GRIN2A: variants seen among roughly 807,000 people sequenced by gnomAD.
The protein encoded by GRIN2A is glutamate ionotropic receptor NMDA type subunit 2A.
Under a neutral mutation model 113.4 loss-of-function variants are expected in GRIN2A, and 22 were observed. The ratio of observed to expected loss-of-function variants is 0.19; its 90% CI spans 0.14 to 0.28. The LOEUF (loss-of-function observed/expected upper bound fraction) is 0.28. GRIN2A is among the 10% of genes least tolerant of loss of function. The probability of loss-of-function intolerance (pLI) is 1.00; values close to 1 mark genes in which losing one functional copy is unlikely to be tolerated. For missense variants in GRIN2A, 1,502 were observed against 1,887.0 expected (o/e 0.80, Z 3.78); for synonymous variants, 827 against 738.4 (o/e 1.12, Z -1.94).
intron 2 of GRIN2A, among the ~76,000 whole-genome samples, chr16:10,092,079 G>C (rs2048193805): frequency 6.6e-6 from 1 of 152,214 alleles, no homozygotes; most frequent in African/African-American, 2.4e-5. Flanking sequence ...CAATAGTTTA[G>C]TCATCTGCAT....
intron 2 of GRIN2A, among the ~76,000 whole-genome samples, chr16:10,161,919 A>T (rs1166163130): frequency 6.6e-6 from 1 of 152,156 alleles, no homozygotes; most frequent in Non-Finnish European, 1.5e-5. Context: ...ATAAGGAATG[A>T]TTATAAATTG....
chr16:10,009,955 T>C (rs1165869608), intron 2 of GRIN2A, among the ~76,000 whole-genome samples: 1 of 152,052 alleles, frequency 6.6e-6, no homozygotes, highest in East Asian at 1.9e-4. Flanking sequence ...GGAACTGAGG[T>C]TCCTAAAGAT....
At chr16:9,843,744 G>T (rs558377355) in intron 5 of GRIN2A, among the ~76,000 whole-genome samples, 29 of 152,226 alleles carry the variant, frequency 1.9e-4, no homozygotes, top group Non-Finnish European at 7.4e-5. Context: ...TAGTGGGGGG[G>T]TAGTAGGAGG....
intron 8 of GRIN2A, among the ~76,000 whole-genome samples, chr16:9,832,435 C>A (rs940538395): frequency 8.5e-5 from 13 of 152,220 alleles, no homozygotes; most frequent in African/African-American, 3.1e-4. Context: ...GTCTGCACCC[C>A]ATCACTATCA....
intron 11 of GRIN2A, among the ~76,000 whole-genome samples, chr16:9,777,589 T>C (rs1169127127): frequency 6.6e-6 from 1 of 152,236 alleles, no homozygotes; most frequent in Non-Finnish European, 1.5e-5. Flanking sequence ...GGACAGGCTG[T>C]CTTTGGCATA....
chr16:9,881,203 C>T (rs988077996), intron 4 of GRIN2A, among the ~76,000 whole-genome samples: 15 of 152,206 alleles, frequency 9.9e-5, no homozygotes, highest in Non-Finnish European at 1.8e-4. Context: ...TTTTATTTGC[C>T]TTGTTATTCT....
chr16:10,126,423 T>TC (rs2048937752), intron 2 of GRIN2A, among the ~76,000 whole-genome samples: 1 of 152,114 alleles, frequency 6.6e-6, no homozygotes, highest in Non-Finnish European at 1.5e-5. Context: ...TGCCACTGCC[T>TC]CCCAAAGCAC....
chr16:10,049,145 G>A (rs1389096273), intron 2 of GRIN2A, among the ~76,000 whole-genome samples: 2 of 152,066 alleles, frequency 1.3e-5, no homozygotes, highest in Non-Finnish European at 2.9e-5. Flanking sequence ...CTTGGCAAAA[G>A]CCCAGTGAAT....
Position 9,861,787 on chromosome 16 carries a change from G to A in GRIN2A, c.1123-11826C>T, listed in dbSNP as rs572436952. ...CAGAAATTACTAAAGAGCAGGTGTGGGTCAAACCTGCTCTGTCTTCACTGC... is the reference window on the plus strand; with the variant it reads ...CAGAAATTACTAAAGAGCAGGTGTGAGTCAAACCTGCTCTGTCTTCACTGC... On this transcript the variant is annotated intron_variant, in intron 4 of 12. Transcript: ENST00000330684. Among the ~76,000 whole-genome samples, 4 of 152,290 alleles carry A rather than the reference G, an allele frequency of 2.6e-5. No homozygotes were observed. In the South Asian group the frequency reaches 8.3e-4, roughly 32 times the overall value.
intron 4 of GRIN2A, among the ~76,000 whole-genome samples, chr16:9,888,380 A>G (rs1340073080): frequency 6.6e-6 from 1 of 152,112 alleles, no homozygotes; most frequent in East Asian, 1.9e-4. Context: ...ATATTCTCCT[A>G]CATTTTCTTC....
chr16:9,798,360 G>C lies in GRIN2A; in HGVS notation c.2273C>G (p.Thr758Ser). 6.2e-7 allele frequency: 1 copy of C among 1,614,016 alleles called. No individual in the cohort carries two copies. The highest frequency in any genetic ancestry group is 1.1e-5 in the South Asian group (1 of 91,084). The change falls in exon 11 of 13, where the codon ACC becomes AGC. Residue 758 changes from threonine to serine, a missense_variant. Around this residue, in one of 7 missense-constraint regions of GRIN2A, gnomAD observed 101 missense variants for 240.4 expected, o/e 0.42. Transcript: ENST00000330684. ...VTIGSGYIFA[T>S]TGYGIALQKG... ...CTGAAGGGCAATTCCATAACCGGTG[G>C]TGGCAAAGATGTACCCACTCCCGAT...
At chr16:9,843,983 G>A (rs932285797) in intron 5 of GRIN2A, among the ~76,000 whole-genome samples, 7 of 152,150 alleles carry the variant, frequency 4.6e-5, no homozygotes, top group East Asian at 1.9e-4. Flanking sequence ...TGTCAAAATC[G>A]AATTCTCTTT....
Position 9,761,213 on chromosome 16 carries a change from T to G in GRIN2A, c.*1936A>C, listed in dbSNP as rs1900568129. 4.3e-6 allele frequency: 1 copy of G among 231,548 alleles called. No homozygotes were observed. The highest frequency in any genetic ancestry group is 2.2e-5 in the African/African-American group (1 of 45,244). 14.3% of individuals were successfully genotyped at this position (231,548 alleles called of 1,614,324 possible). The stretch of plus-strand genomic sequence containing the variant: ...GTGTACTTTCCCAAAGATGGAGCTA[T>G]TCCATGCATCCTTGAGCTTTAAGGG... On this transcript the variant is annotated 3_prime_UTR_variant, in exon 13 of 13. Coordinates refer to ENST00000330684, the MANE Select transcript of GRIN2A (RefSeq NM_001134407.3).
At chr16:9,820,787 A>G (rs1461791129) in intron 10 of GRIN2A, among the ~76,000 whole-genome samples, 3 of 152,216 alleles carry the variant, frequency 2.0e-5, no homozygotes, top group African/African-American at 4.8e-5. Flanking sequence ...CTGGATGATC[A>G]GTTTGTACGA....
chr16:9,767,097 G>A (rs1236764935), intron 12 of GRIN2A, among the ~76,000 whole-genome samples: 1 of 152,316 alleles, frequency 6.6e-6, no homozygotes, highest in South Asian at 2.1e-4. Flanking sequence ...AAAAGCCTTT[G>A]GTAATTGGCT....
chr16:10,127,782 G>C (rs2048973992), intron 2 of GRIN2A, among the ~76,000 whole-genome samples: 1 of 152,160 alleles, frequency 6.6e-6, no homozygotes, highest in Admixed American at 6.5e-5. Flanking sequence ...TCCATACCAA[G>C]AGTATCAAGT....
intron 2 of GRIN2A, among the ~76,000 whole-genome samples, chr16:10,060,478 A>G (rs1390085481): frequency 6.6e-6 from 1 of 152,192 alleles, no homozygotes; most frequent in Non-Finnish European, 1.5e-5. Flanking sequence ...ACCTAAACCT[A>G]TGTCTGGAGG....
rs553148547 is a variant in GRIN2A, at chr16:9,993,027, C to A, written c.415-54476G>T. On this transcript the variant is annotated intron_variant, in intron 2 of 12. Coordinates refer to ENST00000330684, the MANE Select transcript of GRIN2A (RefSeq NM_001134407.3). ...GGTCAGGAGTTCAAGACCAACCTGG[C>A]AAACATGGCAAAACCTCATCTCTAC... Among the ~76,000 whole-genome samples the A allele has an allele frequency of 2.6e-5, 4 of 151,362 alleles. No homozygotes were observed. In the South Asian group the frequency reaches 6.3e-4, roughly 24 times the overall value.
chr16:10,011,306 T>C (rs1489976399), intron 2 of GRIN2A, among the ~76,000 whole-genome samples: 1 of 152,222 alleles, frequency 6.6e-6, no homozygotes, highest in South Asian at 2.1e-4. Context: ...CCCCTGAATA[T>C]TTAGTAAGGT....
Sources: allele counts gnomAD v4.1 joint callset (sites outside exome capture counted in the v4.1 genomes callset), GRCh38; gene constraint gnomAD v4.1.1; regional missense constraint gnomAD v4.1.1; transcripts MANE v1.5; gene names NCBI Gene and HGNC (gene_info 2026-07-23, HGNC 2026-07-21).